The following ASXL2 variants were observed in gnomAD, a reference collection of about 807,000 sequenced individuals.
The protein encoded by ASXL2 is putative Polycomb group protein ASXL2.
ASXL2 carries 23 observed loss-of-function variants against 122.0 expected under a neutral mutation model. The ratio of observed to expected loss-of-function variants is 0.19; its 90% CI spans 0.14 to 0.27. ASXL2 has a LOEUF of 0.27. ASXL2 is among the 10% of genes least tolerant of loss of function. The probability of loss-of-function intolerance (pLI) is 1.00; values close to 1 mark genes in which losing one functional copy is unlikely to be tolerated. For synonymous variants in ASXL2, 650 were observed against 637.0 expected, an observed-to-expected ratio of 1.02 and a Z score of -0.31; for missense variants, 1,518 against 1,713.8, an observed-to-expected ratio of 0.89 and a Z score of 2.02.
intron 3 of ASXL2, among the ~76,000 whole-genome samples, chr2:25,825,735 C>T (rs907371463): frequency 9.2e-5 from 14 of 152,126 alleles, no homozygotes; most frequent in African/African-American, 3.1e-4. Flanking sequence ...CTGTGAATCA[C>T]GCTGCTATGA....
chr2:25,810,188 C>A, intron 3 of ASXL2: 1 of 581,142 alleles, frequency 1.7e-6, no homozygotes, highest in Non-Finnish European at 3.3e-6. Context: ...TCAGTCTCAT[C>A]TGCTCATCCA....
At chr2:25,865,407 G>A (rs528164099) in intron 1 of ASXL2, among the ~76,000 whole-genome samples, 1 of 151,574 alleles carries the variant, frequency 6.6e-6, no homozygotes, top group Admixed American at 6.6e-5. Context: ...ACTCCAGCCT[G>A]GATGACAGAG....
intron 4 of ASXL2, among the ~76,000 whole-genome samples, chr2:25,802,615 T>A (rs959030599): frequency 5.3e-5 from 8 of 152,116 alleles, no homozygotes; most frequent in African/African-American, 1.7e-4. Context: ...AGGAGCATCT[T>A]TTCTTCCTCT....
At position 25,806,350 on chromosome 2, in the gene ASXL2, G is replaced by T; in HGVS notation, c.144-13C>A. ...AGGAGAAGTCCCACTGCAAAACAAA[G>T]AAGAGATGTGATAAGGAACACAACA... On this transcript the variant is annotated splice_polypyrimidine_tract_variant and intron_variant, in intron 3 of 12. Transcript: ENST00000435504. The T allele has an allele frequency of 1.3e-6, 2 of 1,562,744 alleles. No homozygotes were observed. Among genetic ancestry groups the T allele is most frequent in the Non-Finnish European group, 1.8e-6 (2 of 1,137,884 alleles).
intron 2 of ASXL2, among the ~76,000 whole-genome samples, chr2:25,836,486 G>A (rs959452189): frequency 6.6e-6 from 1 of 151,020 alleles, no homozygotes; most frequent in Non-Finnish European, 1.5e-5. Context: ...GGAGAGATAT[G>A]GGAAAAAAAA....
intron 8 of ASXL2, among the ~76,000 whole-genome samples, chr2:25,761,850 C>A (rs1304213946): frequency 6.6e-6 from 1 of 152,012 alleles, no homozygotes; most frequent in African/African-American, 2.4e-5. Context: ...TAAACAAAAA[C>A]TGAAGGCGTT....
chr2:25,833,562 A>G (rs899516039), intron 3 of ASXL2, among the ~76,000 whole-genome samples: 1 of 152,196 alleles, frequency 6.6e-6, no homozygotes, highest in South Asian at 2.1e-4. Flanking sequence ...TGGGCGTGGT[A>G]GCGTGCGCCT....
At chr2:25,760,960 TA>T in intron 8 of ASXL2, among the ~76,000 whole-genome samples, 1 of 152,196 alleles carries the variant, frequency 6.6e-6, no homozygotes, top group East Asian at 1.9e-4. Flanking sequence ...AAATGTAGAA[TA>T]AAAATTGATG....
chr2:25,753,574 G>T lies in ASXL2; in HGVS notation c.1102C>A (p.Pro368Thr). The change falls in exon 11 of 13, where the codon CCA becomes ACA. Residue 368 changes from proline to threonine, a missense_variant. Pro to Thr is a conservative substitution (Grantham distance 38, BLOSUM62 -1). Coordinates refer to ENST00000435504, the MANE Select transcript of ASXL2 (RefSeq NM_018263.6). ...QEIEKEKKVEPWKEQFFESYY... is the reference protein window; with the variant it reads ...QEIEKEKKVETWKEQFFESYY... ...CTTTCAAAGAATTGTTCTTTCCATGGCTCCACTTTTTTCTCCTTCTCAATC... is the reference window on the plus strand; with the variant it reads ...CTTTCAAAGAATTGTTCTTTCCATGTCTCCACTTTTTTCTCCTTCTCAATC... The T allele has an allele frequency of 6.2e-7, 1 of 1,613,500 alleles. No individual in the cohort carries two copies. Among genetic ancestry groups the T allele is most frequent in the South Asian group, 1.1e-5 (1 of 91,058 alleles).
intron 5 of ASXL2, among the ~76,000 whole-genome samples, chr2:25,793,605 T>C (rs1574419849): frequency 6.6e-6 from 1 of 152,218 alleles, no homozygotes; most frequent in South Asian, 2.1e-4. Context: ...TTAAGAACTA[T>C]ATATAGTTGA....
At chr2:25,762,717 T>C (rs951677533) in intron 8 of ASXL2, among the ~76,000 whole-genome samples, 47 of 82,378 alleles carry the variant, frequency 5.7e-4, no homozygotes, top group African/African-American at 2.0e-3. Context: ...GAAACAGCCA[T>C]AGGATAAAAA....
intron 7 of ASXL2, 26 bp from the exon 8 acceptor site, chr2:25,767,752 A>G: frequency 6.2e-7 from 1 of 1,611,518 alleles, no homozygotes; most frequent in East Asian, 2.2e-5. Context: ...ACGTATAAAG[A>G]CTGGTAGCAC....
intron 1 of ASXL2, among the ~76,000 whole-genome samples, chr2:25,868,291 T>C (rs1298170725): frequency 2.0e-5 from 3 of 152,162 alleles, no homozygotes; most frequent in Non-Finnish European, 4.4e-5. Context: ...CATCAGTGAG[T>C]TCAAGGTTAA....
chr2:25,756,191 T>C, intron 9 of ASXL2, 77 bp from the exon 10 acceptor site: 1 of 766,136 alleles, frequency 1.3e-6, no homozygotes, highest in Non-Finnish European at 2.0e-6. Context: ...TTCCTTTCAT[T>C]TTATAAAAGA....
chr2:25,850,396 G>GA (rs1317846715), intron 1 of ASXL2, among the ~76,000 whole-genome samples: 1 of 152,122 alleles, frequency 6.6e-6, no homozygotes, highest in African/African-American at 2.4e-5. Flanking sequence ...TTTACTTAGA[G>GA]AAAAAACTAG....
At chr2:25,803,218 G>A (rs2089026572) in intron 4 of ASXL2, among the ~76,000 whole-genome samples, 1 of 152,132 alleles carries the variant, frequency 6.6e-6, no homozygotes, top group African/African-American at 2.4e-5. Flanking sequence ...GCCTGGAGAG[G>A]GCACACAAGC....
chr2:25,826,588 C>G (rs1170309830), intron 3 of ASXL2, among the ~76,000 whole-genome samples: 1 of 152,060 alleles, frequency 6.6e-6, no homozygotes, highest in Non-Finnish European at 1.5e-5. Flanking sequence ...TCCCCAATCT[C>G]TTGTCCATTT....
At chr2:25,816,829 T>C (rs1439074306) in intron 3 of ASXL2, among the ~76,000 whole-genome samples, 6 of 152,206 alleles carry the variant, frequency 3.9e-5, no homozygotes, top group East Asian at 1.9e-4. Context: ...AAAGAGGCAA[T>C]AGAAAACATT....
At position 25,878,193 on chromosome 2, in the gene ASXL2, G is replaced by A. The variant is rs1426273055; in HGVS notation, c.30C>T (p.Gly10=). The A allele has an allele frequency of 8.1e-6, 13 of 1,613,844 alleles. No homozygotes were observed. Among genetic ancestry groups the A allele is most frequent in the South Asian group, 1.1e-5 (1 of 91,086 alleles). ...TCTTGGCGGCCTCCGCCCAGGTCCT[G>A]CCCTTCTTCCTACGTCCCTTTTCCC... MREKGRRKK[G]RTWAEAAKTV... The change falls in exon 1 of 13, where the codon GGC becomes GGT. Residue 10 remains glycine, a synonymous_variant. Coordinates refer to ENST00000435504, the MANE Select transcript of ASXL2 (RefSeq NM_018263.6).
Sources: gnomAD v4.1 joint callset for allele counts (sites outside exome capture counted in the v4.1 genomes callset) on GRCh38, gnomAD v4.1.1 for gene constraint, MANE v1.5 for transcripts, NCBI Gene and HGNC (gene_info 2026-07-23, HGNC 2026-07-21) for gene names.